ADAMTS17: variants seen among roughly 807,000 people sequenced by gnomAD.
ADAMTS17 encodes ADAM metallopeptidase with thrombospondin type 1 motif 17.
A neutral mutation model predicts 141.5 loss-of-function variants in ADAMTS17; 113 were observed. The ratio of observed to expected loss-of-function variants is 0.80; its 90% confidence interval spans 0.69 to 0.93. The LOEUF is 0.93. Among genes scored for constraint, ADAMTS17 ranks in the 40% least tolerant of loss-of-function variants. The pLI is 0.00. For missense variants in ADAMTS17, 1,659 were observed against 1,517.9 expected (o/e 1.09, Z -1.54); for synonymous variants, 768 against 630.6 (o/e 1.22, Z -3.27).
At chr15:100,176,659 T>C (rs2040348871) in intron 8 of ADAMTS17, among the ~76,000 whole-genome samples, 1 of 152,224 alleles carries the variant, frequency 6.6e-6, no homozygotes, top group South Asian at 2.1e-4. Flanking sequence ...TTCATTCATA[T>C]GTGTAGAGCT....
At chr15:100,236,006 C>A (rs1049615348) in intron 7 of ADAMTS17, among the ~76,000 whole-genome samples, 1 of 152,234 alleles carries the variant, frequency 6.6e-6, no homozygotes. Context: ...GGTGGCTGAA[C>A]ATTTGGGGTA....
intron 3 of ADAMTS17, among the ~76,000 whole-genome samples, chr15:100,317,776 T>C (rs1013020893): frequency 1.3e-5 from 2 of 152,190 alleles, no homozygotes; most frequent in African/African-American, 4.8e-5. Context: ...GGTGACAAGG[T>C]AGCCTTTCTG....
In ADAMTS17 at chr15:99,971,746, A is replaced by AAAAT. The variant is rs773407803; in HGVS notation, c.*2652_*2655dup. ...GAGAGGGTTTAATTTTGCACCAATA[A>AAAAT]AAATAGCACCGTAGGGTCGTGAGAC... On this transcript the variant is annotated 3_prime_UTR_variant, in exon 22 of 22. Transcript: ENST00000268070. The AAAAT allele has an allele frequency of 3.3e-5, 5 of 152,226 alleles. No homozygotes were observed. The highest frequency in any genetic ancestry group is 4.8e-5 in the African/African-American group (2 of 41,448). The allele number at this position is 152,226 out of a possible 1,614,324, so 9.4% of individuals were successfully genotyped here.
At chr15:99,984,833 G>C (rs1381742991) in intron 20 of ADAMTS17, among the ~76,000 whole-genome samples, 1 of 152,246 alleles carries the variant, frequency 6.6e-6, no homozygotes, top group Non-Finnish European at 1.5e-5. Context: ...TTAGAACCTA[G>C]ACTGTGGTGG....
In ADAMTS17 at chr15:100,155,049, C is replaced by A. The variant is rs566492652; in HGVS notation, c.1322+131G>T. ...ATTATAGGACACTCTGCGCTGACCG[C>A]CTCCTGAGGCTAGATGCAAATCCCA... On this transcript the variant is annotated intron_variant, in intron 9 of 21. Coordinates refer to ENST00000268070, the MANE Select transcript of ADAMTS17 (RefSeq NM_139057.4). 6 of 1,381,586 alleles carry A rather than the reference C, an allele frequency of 4.3e-6. No homozygotes were observed. The East Asian group carries it at 1.2e-4, about 27-fold the overall frequency. The allele number at this position is 1,381,586 out of a possible 1,614,324, so 85.6% of individuals were successfully genotyped here. A position where few individuals can be genotyped will look rare whatever the true frequency, so the allele number is the denominator to read the frequency against.
At chr15:100,139,523 C>T (rs2038517748) in intron 10 of ADAMTS17, among the ~76,000 whole-genome samples, 2 of 152,212 alleles carry the variant, frequency 1.3e-5, no homozygotes, top group South Asian at 4.1e-4. Flanking sequence ...ATTATTCAGC[C>T]TAAGACACCA....
At chr15:100,291,133 T>C (rs1191131340) in intron 3 of ADAMTS17, among the ~76,000 whole-genome samples, 4 of 152,000 alleles carry the variant, frequency 2.6e-5, no homozygotes, top group African/African-American at 7.3e-5. Context: ...ACAGAATCTA[T>C]AAGGAATGCA....
At chr15:100,246,389 T>C (rs907604708) in intron 7 of ADAMTS17, among the ~76,000 whole-genome samples, 3 of 152,232 alleles carry the variant, frequency 2.0e-5, no homozygotes, top group Non-Finnish European at 4.4e-5. Context: ...GATGTAAGCA[T>C]ACTTGATTCC....
chr15:100,221,867 G>A, intron 7 of ADAMTS17, among the ~76,000 whole-genome samples: 1 of 152,186 alleles, frequency 6.6e-6, no homozygotes, highest in African/African-American at 2.4e-5. Flanking sequence ...GCTCGGGGTT[G>A]GCCCGGCCTT....
chr15:100,062,131 TGAG>T (rs2033167969), intron 15 of ADAMTS17, among the ~76,000 whole-genome samples: 1 of 152,100 alleles, frequency 6.6e-6, no homozygotes, highest in Non-Finnish European at 1.5e-5. Flanking sequence ...CTGGGACAGC[TGAG>T]GAGGAGAGTG....
chr15:100,264,900 T>C (rs2043655982), intron 4 of ADAMTS17, among the ~76,000 whole-genome samples: 2 of 152,302 alleles, frequency 1.3e-5, no homozygotes, highest in East Asian at 1.9e-4. Context: ...TGCACAGCAA[T>C]GCGAACCTAA....
At chr15:100,334,964 C>T (rs1036218778) in intron 2 of ADAMTS17, among the ~76,000 whole-genome samples, 2 of 152,118 alleles carry the variant, frequency 1.3e-5, no homozygotes, top group African/African-American at 2.4e-5. Context: ...GCTCTAAGTG[C>T]TCCCCTCGTT....
chr15:100,150,738 C>A (rs1224958483), intron 10 of ADAMTS17, among the ~76,000 whole-genome samples: 1 of 152,194 alleles, frequency 6.6e-6, no homozygotes, highest in Non-Finnish European at 1.5e-5. Context: ...CTCACTGGCC[C>A]TGCGGAGGAC....
At chr15:100,330,198 AAAAT>A (rs2046008301) in intron 3 of ADAMTS17, among the ~76,000 whole-genome samples, 1 of 152,202 alleles carries the variant, frequency 6.6e-6, no homozygotes, top group Non-Finnish European at 1.5e-5. Flanking sequence ...ACTGCATCTT[AAAAT>A]CACTTTTAAA....
At chr15:100,087,715 T>C (rs910307702) in intron 15 of ADAMTS17, among the ~76,000 whole-genome samples, 1 of 152,146 alleles carries the variant, frequency 6.6e-6, no homozygotes, top group Non-Finnish European at 1.5e-5. Context: ...ATCCAGCATA[T>C]AAACAGAACC....
chr15:100,327,693 G>T (rs2045938392), intron 3 of ADAMTS17, among the ~76,000 whole-genome samples: 1 of 152,154 alleles, frequency 6.6e-6, no homozygotes, highest in African/African-American at 2.4e-5. Flanking sequence ...TAAAAATCAA[G>T]GAACATTTCA....
At chr15:100,137,649 G>C (rs1435092175) in intron 10 of ADAMTS17, among the ~76,000 whole-genome samples, 3 of 152,176 alleles carry the variant, frequency 2.0e-5, no homozygotes, top group Non-Finnish European at 4.4e-5. Context: ...TCTTATAGCT[G>C]AGCTCACCCC....
chr15:100,122,572 A>C (rs192632033), intron 12 of ADAMTS17, among the ~76,000 whole-genome samples: 3 of 152,342 alleles, frequency 2.0e-5, no homozygotes, highest in Admixed American at 2.0e-4. Flanking sequence ...GAAAATCCAC[A>C]TATAACTTTT....
intron 9 of ADAMTS17, among the ~76,000 whole-genome samples, chr15:100,153,306 G>A (rs552410589): frequency 6.6e-6 from 1 of 152,212 alleles, no homozygotes; most frequent in African/African-American, 2.4e-5. Context: ...TTTCAACTGG[G>A]GTGGGAGCAT....
Sources: allele counts gnomAD v4.1 joint callset (sites outside exome capture counted in the v4.1 genomes callset), GRCh38; gene constraint gnomAD v4.1.1; transcripts MANE v1.5; gene names NCBI Gene and HGNC (gene_info 2026-07-23, HGNC 2026-07-21).